ZFYVE9: variants seen among roughly 807,000 people sequenced by gnomAD.
ZFYVE9 encodes the protein zinc finger FYVE domain-containing protein 9.
In ZFYVE9, 43 loss-of-function variants were observed where a neutral mutation model predicts 126.7. The ratio of observed to expected loss-of-function variants is 0.34; its 90% confidence interval spans 0.27 to 0.44. ZFYVE9 has a LOEUF of 0.44. Among genes scored for constraint, ZFYVE9 ranks in the 20% least tolerant of loss-of-function variants. ZFYVE9 has a pLI of 1.00. For missense variants in ZFYVE9, 1,476 were observed against 1,697.0 expected, an observed-to-expected ratio of 0.87 and a Z score of 2.29; for synonymous variants, 521 against 597.4, an observed-to-expected ratio of 0.87 and a Z score of 1.87.
intron 7 of ZFYVE9, among the ~76,000 whole-genome samples, chr1:52,269,141 T>C (rs1645662680): frequency 2.0e-5 from 3 of 152,156 alleles, no homozygotes; most frequent in Admixed American, 6.5e-5. Flanking sequence ...GATACTTTTT[T>C]TTCTTTTTTT....
intron 9 of ZFYVE9, 60 bp from the exon 10 acceptor site, chr1:52,281,598 CTTT>C: frequency 1.3e-6 from 2 of 1,569,842 alleles, no homozygotes; most frequent in Non-Finnish European, 1.7e-6. Flanking sequence ...TTCTGTGCAT[CTTT>C]TTTTAAGAGT....
rs563666580 is a variant in ZFYVE9 at position 52,217,410 on chromosome 1, A to G, written c.-37+936A>G. ...TTGAAGAGGAACTCAAGTCGTCCCA[A>G]CAATTTCCCCTCTTCTGTCTTACAG... On this transcript the variant is annotated intron_variant, in intron 2 of 18. Transcript: ENST00000287727. Among the ~76,000 whole-genome samples, 4 of 152,338 alleles carry G rather than the reference A, an allele frequency of 2.6e-5. No homozygotes were observed. In the South Asian group the frequency reaches 8.3e-4, roughly 32 times the overall value.
At chr1:52,191,748 C>T (rs188596041) in intron 1 of ZFYVE9, among the ~76,000 whole-genome samples, 7 of 152,284 alleles carry the variant, frequency 4.6e-5, no homozygotes, top group Admixed American at 3.9e-4. Context: ...CACATTGTCT[C>T]GTGATTTCTC....
At chr1:52,249,889 A>G (rs1645426874) in intron 4 of ZFYVE9, among the ~76,000 whole-genome samples, 1 of 152,136 alleles carries the variant, frequency 6.6e-6, no homozygotes, top group Non-Finnish European at 1.5e-5. Flanking sequence ...TTCCTATGGA[A>G]TGGTTTTGGC....
chr1:52,175,332 C>T (rs1434950046), intron 1 of ZFYVE9, among the ~76,000 whole-genome samples: 1 of 150,306 alleles, frequency 6.7e-6, no homozygotes, highest in Non-Finnish European at 1.5e-5. Context: ...GAATATTGGC[C>T]CCTACTCTCT....
chr1:52,240,620 T>G (rs966584876), intron 4 of ZFYVE9, among the ~76,000 whole-genome samples: 1 of 152,180 alleles, frequency 6.6e-6, no homozygotes, highest in African/African-American at 2.4e-5. Flanking sequence ...GATTTATGTC[T>G]GGGTGCAGAG....
intron 13 of ZFYVE9, among the ~76,000 whole-genome samples, chr1:52,324,207 C>T (rs900246464): frequency 6.6e-6 from 1 of 151,926 alleles, no homozygotes; most frequent in Non-Finnish European, 1.5e-5. Context: ...TATGATTATG[C>T]CACTGCACTC....
intron 1 of ZFYVE9, among the ~76,000 whole-genome samples, chr1:52,213,020 A>T (rs1474771353): frequency 6.6e-6 from 1 of 152,338 alleles, no homozygotes; most frequent in South Asian, 2.1e-4. Context: ...CTATCCATTT[A>T]CTAAACTTCT....
At chr1:52,267,721 A>G (rs1645647542) in intron 6 of ZFYVE9, among the ~76,000 whole-genome samples, 1 of 151,754 alleles carries the variant, frequency 6.6e-6, no homozygotes, top group African/African-American at 2.4e-5. Flanking sequence ...TAAAATCTTT[A>G]TTCTCTTCAT....
At chr1:52,195,185 C>T (rs1459339770) in intron 1 of ZFYVE9, among the ~76,000 whole-genome samples, 1 of 151,836 alleles carries the variant, frequency 6.6e-6, no homozygotes, top group African/African-American at 2.4e-5. Context: ...TTTCTCTTTT[C>T]TTTGCAAAAC....
At chr1:52,177,781 G>A (rs750340250) in intron 1 of ZFYVE9, among the ~76,000 whole-genome samples, 5 of 152,172 alleles carry the variant, frequency 3.3e-5, no homozygotes, top group South Asian at 2.1e-4. Context: ...GCACAAACGT[G>A]TAGCAGTATG....
At position 52,274,584 on chromosome 1, in the gene ZFYVE9, G is replaced by A. The variant is rs759688326; in HGVS notation, c.2746G>A (p.Asp916Asn). 6.2e-7 allele frequency: 1 copy of A among 1,604,008 alleles called. No individual in the cohort carries two copies. Among genetic ancestry groups the A allele is most frequent in the South Asian group, 1.1e-5 (1 of 89,582 alleles). ...PILISTGVKG[D>N]YAVEEKPSQI... ...TCTCATCTCCACTGGTGTAAAAGGA[G>A]GTAAGTGGACTACATATTTAAACAG... Residue 916 changes from aspartate (D) to asparagine (N), a missense_variant and splice_region_variant, in exon 8 of 19, where the codon GAC (aspartate) becomes AAC (asparagine). Around this residue, in one of 2 missense-constraint regions of ZFYVE9, gnomAD observed 669 missense variants for 902.4 expected, o/e 0.74. Coordinates refer to ENST00000287727, the MANE Select transcript of ZFYVE9 (RefSeq NM_004799.4).
At chr1:52,247,437 G>T (rs1645397637) in intron 4 of ZFYVE9, among the ~76,000 whole-genome samples, 1 of 152,084 alleles carries the variant, frequency 6.6e-6, no homozygotes, top group Non-Finnish European at 1.5e-5. Context: ...GAGGGTATAT[G>T]GTTCAGTGGC....
chr1:52,225,392 G>A (rs1403870617), intron 2 of ZFYVE9, among the ~76,000 whole-genome samples: 2 of 152,232 alleles, frequency 1.3e-5, no homozygotes. Context: ...AGTGCTCAGT[G>A]TAGTGAAAAG....
intron 10 of ZFYVE9, among the ~76,000 whole-genome samples, chr1:52,286,162 A>G (rs1476478052): frequency 1.3e-5 from 2 of 152,118 alleles, no homozygotes; most frequent in East Asian, 1.9e-4. Context: ...GTCTCAAAAA[A>G]AAAAAAAAAC....
At position 52,281,682 on chromosome 1, in the gene ZFYVE9, G is replaced by A. The variant is rs1202165878; in HGVS notation, c.2891G>A (p.Cys964Tyr). 1 of 1,614,072 alleles carries A rather than the reference G, an allele frequency of 6.2e-7. No homozygotes were observed. Among genetic ancestry groups the A allele is most frequent in the Non-Finnish European group, 8.5e-7 (1 of 1,180,002 alleles). ...IVNYVNRKCW[C>Y]FTTKGMHAVG... Reference sequence around the variant, plus strand: ...GTAGATGTGAACAGGAAGTGCTGGTGTTTCACAACCAAGGGAATGCATGCA... The same window carrying A: ...GTAGATGTGAACAGGAAGTGCTGGTATTTCACAACCAAGGGAATGCATGCA... Residue 964 changes from cysteine to tyrosine, a missense_variant, in exon 10 of 19, where the codon TGT (cysteine) becomes TAT (tyrosine). Transcript: ENST00000287727.
chr1:52,167,058 G>T (rs900733512), intron 1 of ZFYVE9, among the ~76,000 whole-genome samples: 1 of 152,098 alleles, frequency 6.6e-6, no homozygotes, highest in Non-Finnish European at 1.5e-5. Flanking sequence ...TTTGCAAAAG[G>T]AGTCATAAAA....
intron 2 of ZFYVE9, among the ~76,000 whole-genome samples, chr1:52,223,108 T>C (rs1184259732): frequency 6.6e-6 from 1 of 152,116 alleles, no homozygotes; most frequent in Non-Finnish European, 1.5e-5. Flanking sequence ...CACCATTAAA[T>C]TTATCAGGGG....
At chr1:52,233,370 C>A in intron 3 of ZFYVE9, 94 bp downstream of exon 3, 1 of 798,568 alleles carries the variant, frequency 1.3e-6, no homozygotes, top group South Asian at 3.4e-5. Flanking sequence ...AAAATCAGGT[C>A]TGATGACTTA....
Sources: gnomAD v4.1 joint callset for allele counts (sites outside exome capture counted in the v4.1 genomes callset) on GRCh38, gnomAD v4.1.1 for gene constraint, gnomAD v4.1.1 regional missense constraint, MANE v1.5 for transcripts, NCBI Gene and HGNC (gene_info 2026-07-23, HGNC 2026-07-21) for gene names.